NKAIN1: variants seen among roughly 807,000 people sequenced by gnomAD.
NKAIN1 encodes sodium/potassium transporting ATPase interacting 1.
In NKAIN1, 13 loss-of-function variants were observed where a neutral mutation model predicts 31.6. The ratio of observed to expected loss-of-function variants is 0.41; its 90% CI spans 0.27 to 0.65. NKAIN1 has a LOEUF of 0.65. NKAIN1 is among the 30% of genes least tolerant of loss of function. The probability of loss-of-function intolerance (pLI) is 0.30; values close to 1 mark genes in which losing one functional copy is unlikely to be tolerated. For missense variants in NKAIN1, 193 were observed against 262.2 expected (o/e 0.74, Z 1.82); for synonymous variants, 104 against 109.0 (o/e 0.95, Z 0.28).
chr1:31,182,627 A>G, intron 4 of NKAIN1, 37 bp from the exon 5 acceptor site: 1 of 1,611,666 alleles, frequency 6.2e-7, no homozygotes, highest in Non-Finnish European at 8.5e-7. Context: ...AGGAAGGAGG[A>G]GTGGGAACCT....
chr1:31,239,177 C>T lies in NKAIN1; in HGVS notation c.54+317G>A, dbSNP rs1047769891. Among the ~76,000 whole-genome samples, 1 of 152,136 alleles carries T rather than the reference C, an allele frequency of 6.6e-6. No individual in the cohort carries two copies. The highest frequency in any genetic ancestry group is 1.5e-5 in the Non-Finnish European group (1 of 68,032). ...ATCAGCCTCAGACACACCCCCAGTC[C>T]CAGCAAGCCACCGTCCCACAGCGCA... is the stretch of plus-strand genomic sequence containing the variant. On this transcript the variant is annotated intron_variant, in intron 1 of 6. Coordinates refer to ENST00000373736, the MANE Select transcript of NKAIN1 (RefSeq NM_024522.3). This position sits in a 1 kb window ranked among gnomAD's most constrained non-coding sequence, Gnocchi z 4.8.
At chr1:31,195,109 A>G (rs1387598929) in intron 1 of NKAIN1, among the ~76,000 whole-genome samples, 1 of 119,938 alleles carries the variant, frequency 8.3e-6, no homozygotes, top group Non-Finnish European at 1.7e-5. Context: ...TCTCTTCTCT[A>G]TATATTCCTT....
At chr1:31,220,791 T>C (rs1256831133) in intron 1 of NKAIN1, among the ~76,000 whole-genome samples, 2 of 149,116 alleles carry the variant, frequency 1.3e-5, no homozygotes, top group African/African-American at 5.0e-5. Flanking sequence ...CAGTGAATAT[T>C]TGACTGGCTG....
At chr1:31,202,975 T>C (rs539688833) in intron 1 of NKAIN1, among the ~76,000 whole-genome samples, 16 of 104,590 alleles carry the variant, frequency 1.5e-4, no homozygotes, top group Middle Eastern at 8.2e-3. Context: ...GATTCCGTCT[T>C]AAAAAAAAAA....
intron 1 of NKAIN1, among the ~76,000 whole-genome samples, chr1:31,231,945 A>C (rs1645653112): frequency 6.9e-6 from 1 of 144,408 alleles, no homozygotes; most frequent in Non-Finnish European, 1.5e-5. Context: ...TTGAGACAGG[A>C]TCTCACTGTG....
chr1:31,194,969 A>G (rs186074859), intron 1 of NKAIN1, among the ~76,000 whole-genome samples: 2 of 147,632 alleles, frequency 1.4e-5, no homozygotes, highest in African/African-American at 5.0e-5. Flanking sequence ...ATGGGGTTTC[A>G]CCATGTTAGT....
At chr1:31,197,759 C>G (rs757667478) in intron 1 of NKAIN1, among the ~76,000 whole-genome samples, 5 of 149,796 alleles carry the variant, frequency 3.3e-5, no homozygotes, top group Admixed American at 6.7e-5. Flanking sequence ...GTTGGCCAGG[C>G]TGGTCTCAAA....
chr1:31,204,978 T>C (rs535797562), intron 1 of NKAIN1, among the ~76,000 whole-genome samples: 2 of 152,280 alleles, frequency 1.3e-5, no homozygotes, highest in African/African-American at 4.8e-5. Flanking sequence ...CTCTCACAAG[T>C]TGTAGGATCT....
intron 1 of NKAIN1, among the ~76,000 whole-genome samples, chr1:31,229,849 G>A (rs12408714): frequency 6.6e-6 from 1 of 152,066 alleles, no homozygotes; most frequent in Non-Finnish European, 1.5e-5. Flanking sequence ...GAGCTGGAAG[G>A]GTCCTTTGAG....
chr1:31,180,468 G>C lies in NKAIN1; in HGVS notation c.*1235C>G, dbSNP rs1645189094. 6.6e-6 allele frequency: 1 copy of C among 152,396 alleles called. No individual in the cohort carries two copies. Among genetic ancestry groups the C allele is most frequent in the Middle Eastern group, 3.1e-3 (1 of 320 alleles). 9.4% of individuals were successfully genotyped at this position (152,396 alleles called of 1,614,324 possible). The stretch of plus-strand genomic sequence containing the variant: ...TCCCCGACTACTCACACCCCCATCT[G>C]CCCCTTCAGAACTCCTTCTGGGCTT... On this transcript the variant is annotated 3_prime_UTR_variant, in exon 7 of 7. Coordinates refer to ENST00000373736, the MANE Select transcript of NKAIN1 (RefSeq NM_024522.3).
intron 1 of NKAIN1, among the ~76,000 whole-genome samples, chr1:31,194,929 G>A (rs1243620484): frequency 6.7e-6 from 1 of 150,076 alleles, no homozygotes; most frequent in Non-Finnish European, 1.5e-5. Context: ...GTGCCACCAT[G>A]CCCAGCTAAT....
chr1:31,207,368 G>A (rs1645433101), intron 1 of NKAIN1, among the ~76,000 whole-genome samples: 1 of 152,200 alleles, frequency 6.6e-6, no homozygotes, highest in Admixed American at 6.5e-5. Flanking sequence ...AGCTTAAGTA[G>A]GGAATATGTG....
chr1:31,214,578 CGT>C (rs1299556625), intron 1 of NKAIN1, among the ~76,000 whole-genome samples: 1 of 152,068 alleles, frequency 6.6e-6, no homozygotes, highest in African/African-American at 2.4e-5. Context: ...TTTGTGCATG[CGT>C]GTGTGTGCAC....
At chr1:31,186,959 G>C (rs775037562) in intron 2 of NKAIN1, among the ~76,000 whole-genome samples, 2 of 152,182 alleles carry the variant, frequency 1.3e-5, no homozygotes, top group Non-Finnish European at 2.9e-5. Flanking sequence ...GGGTCGATTT[G>C]AGACCTGGAT....
chr1:31,236,898 C>T (rs947497829), intron 1 of NKAIN1, among the ~76,000 whole-genome samples: 1 of 152,156 alleles, frequency 6.6e-6, no homozygotes, highest in African/African-American at 2.4e-5. Flanking sequence ...TTACCAGGGC[C>T]AGAACTACTT....
In NKAIN1 at chr1:31,197,104, CTTTTT is replaced by C. The variant is rs922550782; in HGVS notation, c.55-8922_55-8918del. ...CACAGTGCTTATGATTGGATTTTTA[CTTTTT>C]TTTTTTTTTTTTTTCTTTTTGAGAC... On this transcript the variant is annotated intron_variant, in intron 1 of 6. Transcript: ENST00000373736. Among the ~76,000 whole-genome samples, 579 of 134,556 alleles carry C rather than the reference CTTTTT, an allele frequency of 4.3e-3. 34 individuals are homozygous for C. The East Asian group carries it at 0.1, about 23-fold the overall frequency. The allele number at this position is 134,556 out of a possible 152,430, so 88.3% of individuals were successfully genotyped here. A position where few individuals can be genotyped will look rare whatever the true frequency, so the allele number is the denominator to read the frequency against.
intron 1 of NKAIN1, among the ~76,000 whole-genome samples, chr1:31,197,561 C>CTTT (rs1645340011): frequency 2.9e-5 from 1 of 34,904 alleles, no homozygotes; most frequent in African/African-American, 4.7e-5. Context: ...TTTTTTTTTT[C>CTTT]CCTGAGATGG....
At chr1:31,210,491 G>A (rs999955946) in intron 1 of NKAIN1, among the ~76,000 whole-genome samples, 28 of 152,036 alleles carry the variant, frequency 1.8e-4, no homozygotes, top group African/African-American at 4.3e-4. Context: ...GTTTCACCAC[G>A]TTGGCCAGGC....
At chr1:31,198,161 C>G (rs1038390138) in intron 1 of NKAIN1, among the ~76,000 whole-genome samples, 2 of 152,176 alleles carry the variant, frequency 1.3e-5, no homozygotes, top group Admixed American at 6.5e-5. Flanking sequence ...CAGTGCTTGG[C>G]ACACTCCAGG....
Sources: allele counts gnomAD v4.1 joint callset (sites outside exome capture counted in the v4.1 genomes callset), GRCh38; gene constraint gnomAD v4.1.1; non-coding constraint Gnocchi (gnomAD v3.1); transcripts MANE v1.5; gene names NCBI Gene and HGNC (gene_info 2026-07-23, HGNC 2026-07-21).